The following STAG3 variants were observed in gnomAD, a reference collection of about 807,000 sequenced individuals.
STAG3 encodes cohesin subunit SA-3.
A neutral mutation model predicts 160.7 loss-of-function variants in STAG3; 101 were observed. That is an observed-to-expected ratio of 0.63 (90% confidence interval 0.54 to 0.74). The LOEUF (loss-of-function observed/expected upper bound fraction) is 0.74. STAG3 is among the 30% of genes least tolerant of loss of function. The probability of loss-of-function intolerance (pLI) is 0.00; values close to 1 mark genes in which losing one functional copy is unlikely to be tolerated. For synonymous variants in STAG3, 519 were observed against 585.0 expected (o/e 0.89, Z 1.63); for missense variants, 1,188 against 1,517.4 (o/e 0.78, Z 3.61).
intron 8 of STAG3, among the ~76,000 whole-genome samples, chr7:100,193,859 C>T (rs1267261856): frequency 6.6e-6 from 1 of 151,450 alleles, no homozygotes; most frequent in African/African-American, 2.4e-5. Flanking sequence ...TTTTCTTTTG[C>T]ATTCATAACT....
Position 100,201,797 on chromosome 7 carries a change from A to C in STAG3, c.2232A>C (p.Pro744=). The C allele has an allele frequency of 1.2e-6, 2 of 1,614,168 alleles. No individual in the cohort carries two copies. The highest frequency in any genetic ancestry group is 1.7e-6 in the Non-Finnish European group (2 of 1,180,030). ...TGEVPHQVIL[P]ALTLVYFSIL... is the part of the protein sequence containing the mutation. ...CTTTGTTGTTACAGGTTATCCTGCCAGCCTTGACTCTTGTCTATTTTTCCA... is the reference window on the plus strand; with the variant it reads ...CTTTGTTGTTACAGGTTATCCTGCCCGCCTTGACTCTTGTCTATTTTTCCA... The change falls in exon 22 of 34, where the codon CCA becomes CCC. Residue 744 remains proline (P), a synonymous_variant. Coordinates refer to ENST00000615138, the MANE Select transcript of STAG3 (RefSeq NM_001282717.2).
rs776239111 is a variant in STAG3 at position 100,205,078 on chromosome 7, C to T, written c.3025C>T (p.Leu1009=). The change falls in exon 28 of 34, where the codon CTG becomes TTG. Residue 1009 remains leucine (L), a synonymous_variant. Transcript: ENST00000615138. ...CAATCAGCCTCCAAATCTGGCATTC[C>T]TGGAGCTCCTTTCAGAGTTTTCCCC... ...SSNQPPNLAF[L]ELLSEFSPRL... The T allele has an allele frequency of 2.5e-6, 4 of 1,614,174 alleles. No individual in the cohort carries two copies. The highest frequency in any genetic ancestry group is 3.4e-6 in the Non-Finnish European group (4 of 1,180,028).
intron 25 of STAG3, among the ~76,000 whole-genome samples, chr7:100,203,502 T>TTTTATTTA (rs763907029): frequency 2.6e-5 from 4 of 151,402 alleles, no homozygotes; most frequent in East Asian, 1.9e-4. Flanking sequence ...TTGTTTTTTA[T>TTTTATTTA]TTTATTTATT....
At chr7:100,177,825 C>A (rs887034660), upstream of STAG3, 6 of 152,372 alleles carry the variant, frequency 3.9e-5, no homozygotes, top group African/African-American at 1.4e-4. Context: ...TGGCGCGCAT[C>A]AGCTCGCACA....
chr7:100,191,382 A>ACCTCAATTGT lies in STAG3; in HGVS notation c.867+1786_867+1787insCCTCAATTGT, dbSNP rs537793119. On this transcript the variant is annotated intron_variant, in intron 8 of 33. Coordinates refer to ENST00000615138, the MANE Select transcript of STAG3 (RefSeq NM_001282717.2). ...TTGTTTTCCAAATTGTTAGAAACAT[A>ACCTCAATTGT]TACGGGCATCATACCTCAAAGATAT... Among the ~76,000 whole-genome samples, 41 of 152,316 alleles carry ACCTCAATTGT rather than the reference A, an allele frequency of 2.7e-4. No individual in the cohort carries two copies. In the South Asian group the frequency reaches 7.7e-3, roughly 28 times the overall value.
At chr7:100,179,458 C>G (rs1799503081) in intron 1 of STAG3, among the ~76,000 whole-genome samples, 1 of 151,914 alleles carries the variant, frequency 6.6e-6, no homozygotes. Context: ...CTACTGGGCT[C>G]AAGCAGTCCT....
chr7:100,189,340 C>A, intron 7 of STAG3, 105 bp from the exon 8 acceptor site: 2 of 1,280,980 alleles, frequency 1.6e-6, no homozygotes, highest in Non-Finnish European at 2.2e-6. Context: ...CCTGCTCTGA[C>A]GTCTCATTTT....
At position 100,204,693 on chromosome 7, in the gene STAG3, A is replaced by G; in HGVS notation, c.2869A>G (p.Met957Val). ...GAATGAGCTTCCTGCCTTCATCGAG[A>G]TGAGGGACCTGGCCCGGAGGTTTGC... is the stretch of plus-strand genomic sequence containing the variant. ...GLNELPAFIE[M>V]RDLARRFALS... is the part of the protein sequence containing the mutation. Residue 957 changes from methionine (M) to valine (V), a missense_variant, in exon 27 of 34, where the codon ATG becomes GTG. Transcript: ENST00000615138. 6 of 1,614,072 alleles carry G rather than the reference A, an allele frequency of 3.7e-6. No homozygotes were observed. The highest frequency in any genetic ancestry group is 5.1e-6 in the Non-Finnish European group (6 of 1,180,012).
rs1451174389 is a variant in STAG3 at position 100,214,139 on chromosome 7, A to G, written c.*124A>G. ...GGCTTCAGCCCTGGGCTCTGAGGGG[A>G]AAGAGTTGGGCATTGTTTTTCTAAC... is the stretch of plus-strand genomic sequence containing the variant. On this transcript the variant is annotated 3_prime_UTR_variant, in exon 34 of 34. Transcript: ENST00000615138. 4.4e-6 allele frequency: 6 copies of G among 1,370,270 alleles called. No individual in the cohort carries two copies. In the African/African-American group the frequency reaches 5.8e-5, roughly 13 times the overall value. 84.9% of individuals were successfully genotyped at this position (1,370,270 alleles called of 1,614,324 possible).
downstream of STAG3, among the ~76,000 whole-genome samples, chr7:100,217,674 T>C (rs528595823): frequency 2.2e-4 from 34 of 152,272 alleles, no homozygotes; most frequent in East Asian, 4.6e-3. Flanking sequence ...GAGTCATCTC[T>C]ATCGATAGAT....
intron 16 of STAG3, 25 bp from the exon 17 acceptor site, chr7:100,200,211 C>G (rs778262233): frequency 6.3e-7 from 1 of 1,589,854 alleles, no homozygotes. Flanking sequence ...ACACCTCCCC[C>G]ACCCCCAAGT....
rs13312690 is a variant in STAG3 at position 100,192,243 on chromosome 7, G to A, written c.867+2647G>A. Among the ~76,000 whole-genome samples, 44 of 152,196 alleles carry A rather than the reference G, an allele frequency of 2.9e-4. 1 individual carries two copies. The highest frequency in any genetic ancestry group is 5.2e-4 in the Admixed American group (8 of 15,260). On this transcript the variant is annotated intron_variant, in intron 8 of 33. Transcript: ENST00000615138. ...TATGGCATTTAAAATGGTGAATCCC[G>A]GCCAGGCACAGTGGCTCACACCTGT...
At chr7:100,208,009 G>C (rs1380924291) in intron 29 of STAG3, among the ~76,000 whole-genome samples, 1 of 152,100 alleles carries the variant, frequency 6.6e-6, no homozygotes, top group Non-Finnish European at 1.5e-5. Flanking sequence ...CCAGCCACTC[G>C]GGAGGCTGAG....
At chr7:100,206,476 A>AT (rs1008659384) in intron 29 of STAG3, among the ~76,000 whole-genome samples, 12 of 147,658 alleles carry the variant, frequency 8.1e-5, no homozygotes, top group Admixed American at 2.7e-4. Flanking sequence ...CATAAAAATC[A>AT]TTTTTTTTTT....
chr7:100,196,617 C>T (rs1024174528), intron 9 of STAG3, among the ~76,000 whole-genome samples: 9 of 152,300 alleles, frequency 5.9e-5, no homozygotes, highest in African/African-American at 2.2e-4. Flanking sequence ...CATGGCAAAA[C>T]CCCGTCTCTA....
rs1462221322 is a variant in STAG3, at chr7:100,180,554, A to G, written c.-3A>G. 2 of 1,586,812 alleles carry G rather than the reference A, an allele frequency of 1.3e-6. No homozygotes were observed. Among genetic ancestry groups the G allele is most frequent in the Non-Finnish European group, 1.7e-6 (2 of 1,155,074 alleles). ...CTGGCCTCATAGCTCCTCCTCTCCA[A>G]GCATGTCTTCCCCGTTGCAAAGAGC... is the stretch of plus-strand genomic sequence containing the variant. On this transcript the variant is annotated 5_prime_UTR_variant, in exon 2 of 34. Transcript: ENST00000615138.
chr7:100,202,326 G>C lies in STAG3; in HGVS notation c.2549G>C (p.Gly850Ala). Reference sequence around the variant, plus strand: ...ATGGACCACGTCTTCATCCAGCCGGGAGACCTGGGCAGTGGTGCAGTGACT... The same window carrying C: ...ATGGACCACGTCTTCATCCAGCCGGCAGACCTGGGCAGTGGTGCAGTGACT... ...FLMDHVFIQP[G>A]DLGSGDSQED... Residue 850 changes from glycine (G) to alanine (A), a missense_variant, in exon 24 of 34, where the codon GGA becomes GCA. Physicochemically the swap from Gly to Ala is moderately conservative, Grantham distance 60. Around this residue, in one of 4 missense-constraint regions of STAG3, gnomAD observed 647 missense variants for 717.2 expected, o/e 0.90. Transcript: ENST00000615138. 2 of 1,614,144 alleles carry C rather than the reference G, an allele frequency of 1.2e-6. No individual in the cohort carries two copies. The highest frequency in any genetic ancestry group is 8.5e-7 in the Non-Finnish European group (1 of 1,180,036).
At chr7:100,197,745 A>T in intron 10 of STAG3, 33 bp from the exon 11 acceptor site, 1 of 1,564,864 alleles carries the variant, frequency 6.4e-7, no homozygotes, top group South Asian at 1.1e-5. Flanking sequence ...GGTTAGTCTT[A>T]TTTCCATTCT....
intron 26 of STAG3, 86 bp downstream of exon 26, chr7:100,204,208 C>T (rs181923257): frequency 8.7e-5 from 90 of 1,037,000 alleles, no homozygotes; most frequent in Non-Finnish European, 1.3e-4. Context: ...TAAGATCCTT[C>T]AGAGCAGTAA....
Sources: allele counts gnomAD v4.1 joint callset (sites outside exome capture counted in the v4.1 genomes callset), GRCh38; gene constraint gnomAD v4.1.1; regional missense constraint gnomAD v4.1.1; transcripts MANE v1.5; gene names NCBI Gene and HGNC (gene_info 2026-07-23, HGNC 2026-07-21).